The following ELAPOR2 variants were observed in gnomAD, a reference collection of about 807,000 sequenced individuals.
ELAPOR2 encodes the protein endosome/lysosome-associated apoptosis and autophagy regulator family member 2.
ELAPOR2 carries 89 observed loss-of-function variants against 120.7 expected under a neutral mutation model. That is an observed-to-expected ratio of 0.74 (90% CI 0.62 to 0.88). The LOEUF (loss-of-function observed/expected upper bound fraction) is 0.88, where lower values mean the gene tolerates loss of function less well. Among genes scored for constraint, ELAPOR2 ranks in the 40% least tolerant of loss-of-function variants. The pLI is 0.00. For synonymous variants in ELAPOR2, 444 were observed against 444.9 expected (o/e 1.00, Z 0.03); for missense variants, 1,134 against 1,251.6 (o/e 0.91, Z 1.42).
chr7:86,985,264 C>G (rs552564054), intron 1 of ELAPOR2, among the ~76,000 whole-genome samples: 5 of 152,282 alleles, frequency 3.3e-5, no homozygotes, highest in African/African-American at 7.2e-5. Context: ...ACCAGAAGTA[C>G]AAAGAGGAGC....
intron 6 of ELAPOR2, 75 bp from the exon 7 acceptor site, chr7:86,939,035 C>A: frequency 6.6e-6 from 10 of 1,512,422 alleles, no homozygotes; most frequent in African/African-American, 1.4e-5. Flanking sequence ...ACTTCTGCTT[C>A]TACCCAGAAG....
intron 5 of ELAPOR2, among the ~76,000 whole-genome samples, chr7:86,941,135 C>G (rs1790780630): frequency 1.3e-5 from 2 of 152,030 alleles, no homozygotes; most frequent in South Asian, 4.1e-4. Flanking sequence ...AGAGCTTGAT[C>G]TATATTGTAG....
At chr7:86,957,574 C>A (rs1157650976) in intron 2 of ELAPOR2, among the ~76,000 whole-genome samples, 1 of 152,062 alleles carries the variant, frequency 6.6e-6, no homozygotes, top group Non-Finnish European at 1.5e-5. Flanking sequence ...AAGTACCAAA[C>A]AATATGTTAA....
intron 1 of ELAPOR2, among the ~76,000 whole-genome samples, chr7:86,983,355 C>T (rs566978060): frequency 6.6e-6 from 1 of 152,190 alleles, no homozygotes; most frequent in African/African-American, 2.4e-5. Flanking sequence ...AGATACTCTT[C>T]GAGAAGAGCA....
At chr7:86,919,140 AAGT>A in intron 11 of ELAPOR2, 77 bp downstream of exon 11, 1 of 950,606 alleles carries the variant, frequency 1.1e-6, no homozygotes, top group East Asian at 2.5e-5. Context: ...ATGTTCCATA[AAGT>A]AGCCCTACTT....
rs1271891607 is a variant in ELAPOR2, at chr7:86,940,031, C to T, written c.826G>A (p.Val276Ile). The T allele has an allele frequency of 6.2e-7, 1 of 1,605,592 alleles. No homozygotes were observed. Among genetic ancestry groups the T allele is most frequent in the South Asian group, 1.1e-5 (1 of 90,172 alleles). ...ATACCTTCAATTGTGATATTTTTTA[C>T]CAGCACAGGCTTGACCGCCTTAGAA... is the stretch of plus-strand genomic sequence containing the variant. ...MGSKAVKPVL[V>I]KNITIEGVAY... Residue 276 changes from valine to isoleucine, a missense_variant, in exon 6 of 22, where the codon GTA (valine) becomes ATA (isoleucine). By Grantham distance (29) the Val-to-Ile change is conservative. This residue lies in a region of ELAPOR2 where 23 missense variants were observed against 52.4 expected (regional missense o/e 0.44). Coordinates refer to ENST00000450689, the MANE Select transcript of ELAPOR2 (RefSeq NM_001142749.3).
intron 2 of ELAPOR2, among the ~76,000 whole-genome samples, chr7:86,950,463 G>C (rs949031776): frequency 6.6e-6 from 1 of 152,178 alleles, no homozygotes; most frequent in African/African-American, 2.4e-5. Flanking sequence ...GGGCTCTGTA[G>C]TTCCTGTAAC....
chr7:86,977,980 A>G (rs1792336026), intron 1 of ELAPOR2, among the ~76,000 whole-genome samples: 3 of 152,194 alleles, frequency 2.0e-5, no homozygotes. Context: ...AAAGTTATAT[A>G]TTAATATGTC....
At chr7:86,965,747 T>C (rs1236780477) in intron 1 of ELAPOR2, 8 of 840,240 alleles carry the variant, frequency 9.5e-6, no homozygotes, top group Middle Eastern at 6.0e-4. Flanking sequence ...CAAAATATTA[T>C]TGGAGCATTT....
chr7:86,973,853 A>G (rs1792185565), intron 1 of ELAPOR2, among the ~76,000 whole-genome samples: 1 of 152,202 alleles, frequency 6.6e-6, no homozygotes, highest in African/African-American at 2.4e-5. Flanking sequence ...GTAGAGACCA[A>G]GGCAGGGGCC....
chr7:86,993,246 A>AAAAAAAAG lies in ELAPOR2; in HGVS notation c.190-28223_190-28222insCTTTTTTT, dbSNP rs796528835. The stretch of plus-strand genomic sequence containing the variant: ...CGAGACTCCATCTCAAAAAAAAAAA[A>AAAAAAAAG]AAAAGAAAAAGAAAAGAAAAGGAAA... On this transcript the variant is annotated intron_variant, in intron 1 of 21. Coordinates refer to ENST00000450689, the MANE Select transcript of ELAPOR2 (RefSeq NM_001142749.3). Among the ~76,000 whole-genome samples, 111 of 144,010 alleles carry AAAAAAAAG rather than the reference A, an allele frequency of 7.7e-4. 1 individual carries two copies. The highest frequency in any genetic ancestry group is 2.0e-3 in the East Asian group (10 of 4,978). The allele number at this position is 144,010 out of a possible 152,430, so 94.5% of individuals were successfully genotyped here.
intron 1 of ELAPOR2, among the ~76,000 whole-genome samples, chr7:87,008,661 T>G (rs921787829): frequency 6.6e-6 from 1 of 152,184 alleles, no homozygotes; most frequent in East Asian, 1.9e-4. Context: ...TCCCAAAGTG[T>G]TGGGATTACA....
intron 19 of ELAPOR2, among the ~76,000 whole-genome samples, chr7:86,894,701 T>C (rs112911728): frequency 2.6e-4 from 40 of 152,158 alleles, no homozygotes; most frequent in African/African-American, 6.0e-4. Context: ...CCACACATCA[T>C]TGGAAAACAA....
At chr7:86,952,275 A>T (rs544751276) in intron 2 of ELAPOR2, among the ~76,000 whole-genome samples, 1 of 152,306 alleles carries the variant, frequency 6.6e-6, no homozygotes, top group South Asian at 2.1e-4. Flanking sequence ...TAGACTGGTG[A>T]GGGAGGAAGG....
chr7:86,920,811 T>G (rs1012419465), intron 10 of ELAPOR2: 1 of 152,154 alleles, frequency 6.6e-6, no homozygotes, highest in Admixed American at 6.6e-5. Context: ...CAGGCACTGA[T>G]AGAGGTGTTT....
chr7:86,943,390 T>A (rs976535784), intron 4 of ELAPOR2, among the ~76,000 whole-genome samples: 5 of 152,012 alleles, frequency 3.3e-5, no homozygotes, highest in Admixed American at 3.3e-4. Context: ...TGCCCATATG[T>A]ACAACTCTCA....
Position 86,986,005 on chromosome 7 carries a change from C to T in ELAPOR2, c.190-20981G>A, listed in dbSNP as rs548889182. On this transcript the variant is annotated intron_variant, in intron 1 of 21. Transcript: ENST00000450689. ...ATTCCCTTGGAAAACTGGTGCAAGA[C>T]AGGGATGCCTTCTCTCACCACTCCT... Among the ~76,000 whole-genome samples the T allele has an allele frequency of 2.6e-5, 4 of 152,142 alleles. 1 individual carries two copies. The highest frequency in any genetic ancestry group is 9.6e-5 in the African/African-American group (4 of 41,476).
At chr7:86,900,153 A>C (rs1788650908) in intron 18 of ELAPOR2, among the ~76,000 whole-genome samples, 3 of 152,134 alleles carry the variant, frequency 2.0e-5, no homozygotes, top group Admixed American at 1.3e-4. Flanking sequence ...GTTTTGAGTA[A>C]GGAAATAAAA....
At chr7:87,034,279 T>C (rs1054529925) in intron 1 of ELAPOR2, among the ~76,000 whole-genome samples, 5 of 152,038 alleles carry the variant, frequency 3.3e-5, no homozygotes, top group African/African-American at 1.2e-4. Flanking sequence ...GCTTACCAAT[T>C]AGAGTTAGGG....
Sources: allele counts gnomAD v4.1 joint callset (sites outside exome capture counted in the v4.1 genomes callset), GRCh38; gene constraint gnomAD v4.1.1; regional missense constraint gnomAD v4.1.1; transcripts MANE v1.5; gene names NCBI Gene and HGNC (gene_info 2026-07-23, HGNC 2026-07-21).